The following MAML3 variants were observed in gnomAD, a reference collection of about 807,000 sequenced individuals.
The protein encoded by MAML3 is mastermind like transcriptional coactivator 3, also known as mastermind-like protein 3.
In MAML3, 27 loss-of-function variants were observed where a neutral mutation model predicts 101.9. The observed-to-expected ratio is 0.27, with a 90% CI of 0.20 to 0.37. The LOEUF is 0.37. Ranked by LOEUF, MAML3 falls within the 10% of genes least tolerant of loss-of-function variation. The probability of loss-of-function intolerance (pLI) is 1.00; values close to 1 mark genes in which losing one functional copy is unlikely to be tolerated. For synonymous variants in MAML3, 501 were observed against 555.9 expected (o/e 0.90, Z 1.39); for missense variants, 1,316 against 1,444.9 (o/e 0.91, Z 1.45).
intron 1 of MAML3, among the ~76,000 whole-genome samples, chr4:140,017,467 A>G (rs1726660416): frequency 6.6e-6 from 1 of 152,130 alleles, no homozygotes; most frequent in Non-Finnish European, 1.5e-5. Flanking sequence ...GAAAAATAAA[A>G]ATTATATCCA....
intron 1 of MAML3, among the ~76,000 whole-genome samples, chr4:139,953,547 C>A (rs1426459473): frequency 6.6e-6 from 1 of 152,092 alleles, no homozygotes; most frequent in African/African-American, 2.4e-5. Flanking sequence ...AATTGCTGAA[C>A]CTGGGAGGCT....
intron 2 of MAML3, among the ~76,000 whole-genome samples, chr4:139,743,297 A>T (rs2111027400): frequency 6.6e-6 from 1 of 152,308 alleles, no homozygotes; most frequent in South Asian, 2.1e-4. Flanking sequence ...GGACAGGGAG[A>T]TCTAACCTGC....
At chr4:140,074,353 T>C (rs1727732295) in intron 1 of MAML3, among the ~76,000 whole-genome samples, 1 of 152,082 alleles carries the variant, frequency 6.6e-6, no homozygotes, top group Admixed American at 6.6e-5. Context: ...AACCCCCTGG[T>C]CCTTTGAAAA....
At chr4:139,915,394 T>C (rs1733006628) in intron 1 of MAML3, among the ~76,000 whole-genome samples, 1 of 152,242 alleles carries the variant, frequency 6.6e-6, no homozygotes, top group Non-Finnish European at 1.5e-5. Flanking sequence ...TGACCAAGTC[T>C]AGTCTCTATC....
At chr4:140,129,801 C>G (rs977167271) in intron 1 of MAML3, among the ~76,000 whole-genome samples, 5 of 151,966 alleles carry the variant, frequency 3.3e-5, no homozygotes, top group South Asian at 2.1e-4. Context: ...CCCATCTCTA[C>G]TAAAAATACA....
At chr4:139,959,981 A>C (rs999153824) in intron 1 of MAML3, among the ~76,000 whole-genome samples, 2 of 152,204 alleles carry the variant, frequency 1.3e-5, no homozygotes. Flanking sequence ...TCATAGACAC[A>C]GACAAATTGA....
At chr4:140,092,236 C>G (rs748238956) in intron 1 of MAML3, among the ~76,000 whole-genome samples, 1 of 151,886 alleles carries the variant, frequency 6.6e-6, no homozygotes, top group Non-Finnish European at 1.5e-5. Context: ...TGCGACTGAG[C>G]ATCAACAGGT....
At chr4:140,082,661 G>T (rs563344386) in intron 1 of MAML3, among the ~76,000 whole-genome samples, 2 of 152,074 alleles carry the variant, frequency 1.3e-5, no homozygotes, top group Admixed American at 6.5e-5. Flanking sequence ...GTTCACACGG[G>T]GCGGGCACAA....
intron 1 of MAML3, among the ~76,000 whole-genome samples, chr4:140,127,340 A>G (rs1168177403): frequency 1.3e-5 from 2 of 152,256 alleles, no homozygotes; most frequent in African/African-American, 2.4e-5. Context: ...TGTTTAGCCC[A>G]GCATCTGGCT....
intron 1 of MAML3, among the ~76,000 whole-genome samples, chr4:140,126,540 C>T (rs574573316): frequency 6.6e-6 from 1 of 152,288 alleles, no homozygotes; most frequent in South Asian, 2.1e-4. Context: ...TTTGAAGGAT[C>T]GCCTCCTTCA....
At chr4:139,841,712 C>T (rs1731365644) in intron 2 of MAML3, among the ~76,000 whole-genome samples, 1 of 152,214 alleles carries the variant, frequency 6.6e-6, no homozygotes, top group Admixed American at 6.5e-5. Flanking sequence ...CCACAAGTCA[C>T]ACTTATCAAC....
intron 1 of MAML3, among the ~76,000 whole-genome samples, chr4:140,129,381 C>A (rs72935793): frequency 1.3e-5 from 2 of 151,514 alleles, no homozygotes; most frequent in African/African-American, 4.9e-5. Flanking sequence ...GACTCTAAAT[C>A]CCCCCTACCC....
At chr4:139,858,720 C>T (rs1230049988) in intron 2 of MAML3, among the ~76,000 whole-genome samples, 6 of 152,226 alleles carry the variant, frequency 3.9e-5, no homozygotes, top group Non-Finnish European at 5.9e-5. Flanking sequence ...TCTCTGCTCC[C>T]GACCGCTCTG....
At chr4:140,066,070 C>A (rs1727532807) in intron 1 of MAML3, among the ~76,000 whole-genome samples, 1 of 152,178 alleles carries the variant, frequency 6.6e-6, no homozygotes, top group South Asian at 2.1e-4. Flanking sequence ...AGAAACACAT[C>A]CATGTGTCCA....
At chr4:139,754,894 A>G (rs1729612645) in intron 2 of MAML3, among the ~76,000 whole-genome samples, 1 of 152,210 alleles carries the variant, frequency 6.6e-6, no homozygotes, top group East Asian at 1.9e-4. Flanking sequence ...CTTTCCCCTC[A>G]GTTTCTCTTC....
intron 2 of MAML3, among the ~76,000 whole-genome samples, chr4:139,867,869 C>T (rs949708509): frequency 2.5e-4 from 38 of 152,384 alleles, no homozygotes; most frequent in African/African-American, 9.1e-4. Context: ...CCCACACTGC[C>T]TTCACAGCCC....
intron 1 of MAML3, among the ~76,000 whole-genome samples, chr4:139,952,110 A>G (rs1733841141): frequency 6.6e-6 from 1 of 152,170 alleles, no homozygotes; most frequent in Admixed American, 6.5e-5. Flanking sequence ...GGCTGCAGTG[A>G]GCCGAGATCG....
chr4:139,732,618 T>A (rs1248454228), intron 2 of MAML3, among the ~76,000 whole-genome samples: 3 of 151,692 alleles, frequency 2.0e-5, no homozygotes, highest in East Asian at 1.9e-4. Context: ...TTTACTTTTT[T>A]AAAAAATGTA....
chr4:139,979,192 T>A (rs1046912302), intron 1 of MAML3, among the ~76,000 whole-genome samples: 11 of 152,234 alleles, frequency 7.2e-5, no homozygotes, highest in African/African-American at 2.7e-4. Flanking sequence ...AGGATTAGAA[T>A]GATTTGAGAC....
Sources: gnomAD v4.1 joint callset for allele counts (sites outside exome capture counted in the v4.1 genomes callset) on GRCh38, gnomAD v4.1.1 for gene constraint, MANE v1.5 for transcripts, NCBI Gene and HGNC (gene_info 2026-07-23, HGNC 2026-07-21) for gene names.